Variants in DGLUCY observed in about 807,000 individuals in gnomAD.
DGLUCY encodes D-glutamate cyclase, also known as D-glutamate cyclase, mitochondrial.
Under a neutral mutation model 58.5 loss-of-function variants are expected in DGLUCY, and 58 were observed. The observed-to-expected ratio is 0.99, with a 90% CI of 0.80 to 1.23. The LOEUF is 1.23. Among genes scored for constraint, DGLUCY ranks in the 50% most tolerant of loss-of-function variants. DGLUCY has a pLI of 0.00. For synonymous variants in DGLUCY, 325 were observed against 314.1 expected, an observed-to-expected ratio of 1.03 and a Z score of -0.37; for missense variants, 779 against 784.7, an observed-to-expected ratio of 0.99 and a Z score of 0.09.
chr14:91,082,641 G>A (rs1055434689), intron 1 of DGLUCY, among the ~76,000 whole-genome samples: 2 of 152,140 alleles, frequency 1.3e-5, no homozygotes, highest in Non-Finnish European at 1.5e-5. Flanking sequence ...TTTCAGTGTT[G>A]GAAAATGATT....
intron 8 of DGLUCY, chr14:91,185,408 G>C (rs1014574032): frequency 1.8e-4 from 26 of 145,106 alleles, no homozygotes. Flanking sequence ...TCAGCCTCCC[G>C]AGTACCTGGC....
chr14:91,215,331 C>G, intron 12 of DGLUCY, 74 bp from the exon 13 acceptor site: 1 of 1,539,692 alleles, frequency 6.5e-7, no homozygotes, highest in Non-Finnish European at 8.8e-7. Flanking sequence ...GCAGATAGTT[C>G]TGCTTCCTAG....
Position 91,173,397 on chromosome 14 carries a change from C to G in DGLUCY, c.565C>G (p.Leu189Val). Reference protein sequence around the residue: ...LEGLVRACCSLGGEQGQPVHM... With the variant: ...LEGLVRACCSVGGEQGQPVHM... ...AGGGCTGGTGCGGGCCTGCTGCTCC[C>G]TCGGAGGTGAGCAGGGGCAACCTGT... The change falls in exon 6 of 14, where the codon CTC (leucine) becomes GTC (valine). Residue 189 changes from leucine (L) to valine (V), a missense_variant. Transcript: ENST00000256324. 1 of 1,612,080 alleles carries G rather than the reference C, an allele frequency of 6.2e-7. No individual in the cohort carries two copies. The highest frequency in any genetic ancestry group is 8.5e-7 in the Non-Finnish European group (1 of 1,179,512).
intron 1 of DGLUCY, among the ~76,000 whole-genome samples, chr14:91,092,460 A>C (rs1417394991): frequency 1.3e-5 from 2 of 152,350 alleles, no homozygotes; most frequent in East Asian, 3.9e-4. Context: ...CCTATGAGAA[A>C]AGTGGCATCT....
intron 9 of DGLUCY, among the ~76,000 whole-genome samples, chr14:91,194,686 G>A (rs1397246348): frequency 1.3e-5 from 2 of 151,858 alleles, no homozygotes; most frequent in East Asian, 1.9e-4. Flanking sequence ...GATTACAGGC[G>A]CCCGCCACCA....
At position 91,224,936 on chromosome 14, in the gene DGLUCY, T is replaced by C; in HGVS notation, c.*103T>C. On this transcript the variant is annotated 3_prime_UTR_variant, in exon 14 of 14. Transcript: ENST00000256324. The stretch of plus-strand genomic sequence containing the variant: ...ACAATCCTGCTAGTAAACACTGGTC[T>C]TCGGTGAGCAACGAACACTCGCCTG... 3.0e-6 allele frequency: 4 copies of C among 1,321,754 alleles called. No homozygotes were observed. Among genetic ancestry groups the C allele is most frequent in the Admixed American group, 2.7e-5 (1 of 37,720 alleles). The allele number at this position is 1,321,754 out of a possible 1,614,324, so 81.9% of individuals were successfully genotyped here.
chr14:91,111,631 G>A (rs751847671), upstream of DGLUCY, among the ~76,000 whole-genome samples: 2 of 152,158 alleles, frequency 1.3e-5, no homozygotes, highest in Non-Finnish European at 2.9e-5. Flanking sequence ...AGATCTTAGC[G>A]AGGGCCTACT....
chr14:91,174,262 A>G (rs545648337), intron 6 of DGLUCY, among the ~76,000 whole-genome samples: 22 of 150,284 alleles, frequency 1.5e-4, no homozygotes, highest in African/African-American at 4.5e-4. Flanking sequence ...GGGCATCTCT[A>G]TCTGTATCCT....
chr14:91,126,004 T>G (rs902592267), intron 1 of DGLUCY, among the ~76,000 whole-genome samples: 1 of 152,184 alleles, frequency 6.6e-6, no homozygotes, highest in Non-Finnish European at 1.5e-5. Flanking sequence ...GTGACCATCC[T>G]CAACCCAAGC....
At chr14:91,198,669 T>G (rs1184425007) in intron 10 of DGLUCY, among the ~76,000 whole-genome samples, 1 of 152,158 alleles carries the variant, frequency 6.6e-6, no homozygotes, top group East Asian at 1.9e-4. Context: ...AATTGGATTG[T>G]CAAAACAGTA....
At chr14:91,135,124 A>G (rs557667426) in intron 1 of DGLUCY, among the ~76,000 whole-genome samples, 3 of 151,942 alleles carry the variant, frequency 2.0e-5, no homozygotes, top group South Asian at 4.2e-4. Flanking sequence ...GGGTTTCTCT[A>G]TATTTTCTAG....
chr14:91,064,346 G>A (rs1466276019), intron 1 of DGLUCY, among the ~76,000 whole-genome samples: 49 of 152,116 alleles, frequency 3.2e-4, no homozygotes, highest in Admixed American at 3.2e-3. Context: ...TACCTAGGGA[G>A]AAGCCTGGGT....
chr14:91,178,972 T>C (rs879017061), intron 7 of DGLUCY, among the ~76,000 whole-genome samples: 1 of 152,042 alleles, frequency 6.6e-6, no homozygotes, highest in Admixed American at 6.5e-5. Context: ...TGCAGCGAGC[T>C]GAGATCTCAC....
At chr14:91,060,767 C>T (rs2043645231) in intron 1 of DGLUCY, 1 of 216,094 alleles carries the variant, frequency 4.6e-6, no homozygotes, top group East Asian at 8.9e-5. Flanking sequence ...CTGCCAACGC[C>T]GGTTCCCATT....
intron 2 of DGLUCY, 59 bp from the exon 3 acceptor site, chr14:91,160,207 A>T: frequency 1.9e-6 from 2 of 1,048,958 alleles, no homozygotes; most frequent in Non-Finnish European, 3.0e-6. Context: ...GTGAGGCTGA[A>T]TCTGCTGCCT....
At chr14:91,060,488 G>C in exon 1 of DGLUCY, 1 of 1,310,214 alleles carries the variant, frequency 7.6e-7, no homozygotes, top group African/African-American at 1.5e-5. Context: ...CCAGGAGACA[G>C]CGGACGCCCG....
At chr14:91,188,512 G>A (rs1230336938) in intron 8 of DGLUCY, among the ~76,000 whole-genome samples, 1 of 152,160 alleles carries the variant, frequency 6.6e-6, no homozygotes, top group African/African-American at 2.4e-5. Context: ...TACTCTTACT[G>A]TAAAGTTTCT....
intron 1 of DGLUCY, among the ~76,000 whole-genome samples, chr14:91,139,133 A>G (rs1003020797): frequency 2.0e-5 from 3 of 152,202 alleles, no homozygotes; most frequent in Admixed American, 6.6e-5. Context: ...GCTGGAGATA[A>G]GGACTAAATT....
chr14:91,169,994 T>G lies in DGLUCY; in HGVS notation c.258-9T>G. On this transcript the variant is annotated splice_polypyrimidine_tract_variant and intron_variant, in intron 4 of 13. Transcript: ENST00000256324. The stretch of plus-strand genomic sequence containing the variant: ...TGGGGCCCTCCCAGCTTTCCCCTTA[T>G]GTCCCCAGGATGGGCCATCCCCAGT... 1 of 1,611,884 alleles carries G rather than the reference T, an allele frequency of 6.2e-7. No individual in the cohort carries two copies. Among genetic ancestry groups the G allele is most frequent in the Non-Finnish European group, 8.5e-7 (1 of 1,179,792 alleles).
Sources: allele counts gnomAD v4.1 joint callset (sites outside exome capture counted in the v4.1 genomes callset), GRCh38; gene constraint gnomAD v4.1.1; transcripts MANE v1.5; gene names NCBI Gene and HGNC (gene_info 2026-07-23, HGNC 2026-07-21).